The following LRRC4C variants were observed in gnomAD, a reference collection of about 807,000 sequenced individuals.
The protein encoded by LRRC4C is leucine rich repeat containing 4C.
LRRC4C carries 5 observed loss-of-function variants against 33.6 expected under a neutral mutation model. The ratio of observed to expected loss-of-function variants is 0.15; its 90% confidence interval spans 0.08 to 0.31. The LOEUF (loss-of-function observed/expected upper bound fraction) is 0.31. Ranked by LOEUF, LRRC4C falls within the 10% of genes least tolerant of loss-of-function variation. The probability of loss-of-function intolerance (pLI) is 1.00; values close to 1 mark genes in which losing one functional copy is unlikely to be tolerated. For synonymous variants in LRRC4C, 329 were observed against 302.0 expected (o/e 1.09, Z -0.93); for missense variants, 560 against 796.7 (o/e 0.70, Z 3.58).
In LRRC4C at chr11:40,273,580, G is replaced by A. The variant is rs12366083; in HGVS notation, c.-175-31982C>T. Among the ~76,000 whole-genome samples the A allele has an allele frequency of 1.5e-3, 232 of 152,186 alleles. 1 individual carries two copies. Among genetic ancestry groups the A allele is most frequent in the Non-Finnish European group, 2.6e-3 (178 of 68,008 alleles). ...AAGAAAAGGCCTCTTTACGATGGAT[G>A]TTACTCTATTACAAACCATGTTCCA... On this transcript the variant is annotated intron_variant, in intron 4 of 6. Transcript: ENST00000528697.
intron 3 of LRRC4C, among the ~76,000 whole-genome samples, chr11:40,325,622 T>C (rs905328163): frequency 1.3e-5 from 2 of 151,402 alleles, no homozygotes; most frequent in Non-Finnish European, 2.9e-5. Context: ...AGCAAGGCCC[T>C]GTATCAAAAG....
intron 3 of LRRC4C, among the ~76,000 whole-genome samples, chr11:40,614,621 G>T (rs1961577387): frequency 6.6e-6 from 1 of 151,464 alleles, no homozygotes; most frequent in East Asian, 1.9e-4. Flanking sequence ...TTGGCTTTTG[G>T]CCTAATTCAG....
intron 1 of LRRC4C, among the ~76,000 whole-genome samples, chr11:41,405,621 C>T (rs895245877): frequency 2.6e-5 from 4 of 152,032 alleles, no homozygotes; most frequent in African/African-American, 7.2e-5. Flanking sequence ...AAAACATTCC[C>T]CTACAGGGGT....
intron 3 of LRRC4C, among the ~76,000 whole-genome samples, chr11:40,389,908 C>A (rs1179802308): frequency 2.0e-5 from 3 of 152,160 alleles, no homozygotes; most frequent in Non-Finnish European, 4.4e-5. Flanking sequence ...GAAGTAGGGT[C>A]TTCTTAGTAC....
At chr11:40,486,600 T>G (rs113168651) in intron 3 of LRRC4C, among the ~76,000 whole-genome samples, 5 of 152,138 alleles carry the variant, frequency 3.3e-5, no homozygotes, top group African/African-American at 1.2e-4. Context: ...TTAGATGTGA[T>G]GTTATTGAGG....
chr11:41,356,410 G>A (rs2137623006), intron 1 of LRRC4C, among the ~76,000 whole-genome samples: 1 of 152,200 alleles, frequency 6.6e-6, no homozygotes, highest in Non-Finnish European at 1.5e-5. Flanking sequence ...GCTGACTATA[G>A]ACCAGGACTA....
intron 2 of LRRC4C, among the ~76,000 whole-genome samples, chr11:40,865,309 G>C (rs1954300665): frequency 3.3e-5 from 5 of 152,100 alleles, no homozygotes; most frequent in Admixed American, 3.3e-4. Context: ...AGTGAAGGGG[G>C]AAGTTGGGGA....
intron 1 of LRRC4C, among the ~76,000 whole-genome samples, chr11:41,170,787 C>T (rs1222569545): frequency 6.6e-6 from 1 of 152,060 alleles, no homozygotes; most frequent in African/African-American, 2.4e-5. Flanking sequence ...CTCTGCAAAG[C>T]AAAAGAAACA....
intron 6 of LRRC4C, among the ~76,000 whole-genome samples, chr11:40,135,650 A>T (rs964031833): frequency 2.6e-5 from 4 of 152,186 alleles, no homozygotes; most frequent in African/African-American, 2.4e-5. Context: ...GGTTAAAATT[A>T]CTTTTTAGTT....
intron 1 of LRRC4C, among the ~76,000 whole-genome samples, chr11:41,145,539 C>T (rs1014902699): frequency 3.2e-5 from 4 of 125,486 alleles, no homozygotes; most frequent in African/African-American, 8.5e-5. Context: ...TATGCTACAA[C>T]GGCAGAGTTG....
chr11:40,462,903 G>T (rs1486173656), intron 3 of LRRC4C, among the ~76,000 whole-genome samples: 1 of 152,016 alleles, frequency 6.6e-6, no homozygotes, highest in Admixed American at 6.6e-5. Flanking sequence ...AATGGATGAA[G>T]AATCTACTCA....
intron 3 of LRRC4C, among the ~76,000 whole-genome samples, chr11:40,381,560 G>T (rs931060620): frequency 6.6e-6 from 1 of 152,106 alleles, no homozygotes; most frequent in Admixed American, 6.5e-5. Context: ...AGCAAATATT[G>T]AAAGTAAGCA....
chr11:40,256,773 A>C (rs985525758), intron 4 of LRRC4C, among the ~76,000 whole-genome samples: 2 of 152,142 alleles, frequency 1.3e-5, no homozygotes, highest in South Asian at 4.1e-4. Flanking sequence ...CCAGAATCTT[A>C]CTTTAGTAGG....
At chr11:40,851,716 G>A (rs909003812) in intron 2 of LRRC4C, among the ~76,000 whole-genome samples, 1 of 152,162 alleles carries the variant, frequency 6.6e-6, no homozygotes, top group East Asian at 1.9e-4. Context: ...GGAGGCGGAG[G>A]TTGCAGTGAG....
In LRRC4C at chr11:40,260,649, A is replaced by G. The variant is rs1000630543; in HGVS notation, c.-175-19051T>C. Among the ~76,000 whole-genome samples the G allele has an allele frequency of 3.3e-5, 5 of 152,190 alleles. No individual in the cohort carries two copies. In the South Asian group the frequency reaches 1.0e-3, roughly 32 times the overall value. The stretch of plus-strand genomic sequence containing the variant: ...ATTAAAAGCTCCCGTCCAAGGAGCT[A>G]AGAAAGGATGAGGACCAGCATCAGA... On this transcript the variant is annotated intron_variant, in intron 4 of 6. Coordinates refer to ENST00000528697, the MANE Select transcript of LRRC4C (RefSeq NM_001258419.2).
At chr11:40,850,766 T>G (rs1400265874) in intron 2 of LRRC4C, among the ~76,000 whole-genome samples, 1 of 152,208 alleles carries the variant, frequency 6.6e-6, no homozygotes, top group Non-Finnish European at 1.5e-5. Flanking sequence ...CCCAGGGAGA[T>G]GGGAGTTTTA....
At chr11:40,883,695 C>A (rs1447349802) in intron 2 of LRRC4C, among the ~76,000 whole-genome samples, 1 of 151,570 alleles carries the variant, frequency 6.6e-6, no homozygotes, top group Admixed American at 6.6e-5. Context: ...TTCTTTCTTC[C>A]TTTAAAAATG....
intron 1 of LRRC4C, among the ~76,000 whole-genome samples, chr11:41,321,442 G>A (rs905945047): frequency 6.6e-6 from 1 of 152,100 alleles, no homozygotes; most frequent in Non-Finnish European, 1.5e-5. Flanking sequence ...ACTACTGTCC[G>A]ATAGACTTAT....
chr11:40,256,050 A>G (rs2136217248), intron 4 of LRRC4C, among the ~76,000 whole-genome samples: 1 of 152,260 alleles, frequency 6.6e-6, no homozygotes. Context: ...AGTTGACTTC[A>G]CCTTTGAGAT....
Sources: allele counts gnomAD v4.1 joint callset (sites outside exome capture counted in the v4.1 genomes callset), GRCh38; gene constraint gnomAD v4.1.1; transcripts MANE v1.5; gene names NCBI Gene and HGNC (gene_info 2026-07-23, HGNC 2026-07-21).